The following GALNTL6 variants were observed in gnomAD, a reference collection of about 807,000 sequenced individuals.
GALNTL6 encodes the protein polypeptide N-acetylgalactosaminyltransferase-like 6.
Under a neutral mutation model 73.7 loss-of-function variants are expected in GALNTL6, and 46 were observed. The ratio of observed to expected loss-of-function variants is 0.62; its 90% CI spans 0.49 to 0.80. The LOEUF (loss-of-function observed/expected upper bound fraction) is 0.80, where lower values mean the gene tolerates loss of function less well. Ranked by LOEUF, GALNTL6 falls within the 30% of genes least tolerant of loss-of-function variation. The pLI is 0.00. For missense variants in GALNTL6, 604 were observed against 755.0 expected (o/e 0.80, Z 2.34); for synonymous variants, 259 against 263.7 (o/e 0.98, Z 0.17).
At chr4:173,005,539 AT>A (rs1561081657) in intron 10 of GALNTL6, among the ~76,000 whole-genome samples, 5 of 151,898 alleles carry the variant, frequency 3.3e-5, no homozygotes, top group Admixed American at 6.6e-5. Context: ...AAAAAAATAT[AT>A]TATTAGCGTG....
chr4:172,182,553 CAAAA>C (rs34354883), intron 2 of GALNTL6, among the ~76,000 whole-genome samples: 2 of 127,456 alleles, frequency 1.6e-5, no homozygotes, highest in Non-Finnish European at 3.3e-5. Context: ...TGAAAAATAC[CAAAA>C]AAAAAAAAAA....
chr4:172,079,108 T>C (rs895712567), intron 2 of GALNTL6, among the ~76,000 whole-genome samples: 9 of 152,110 alleles, frequency 5.9e-5, no homozygotes, highest in African/African-American at 2.2e-4. Flanking sequence ...AAAGTCCATA[T>C]CTATATCACT....
chr4:172,944,925 G>C (rs367704031), intron 9 of GALNTL6, among the ~76,000 whole-genome samples: 17 of 152,012 alleles, frequency 1.1e-4, no homozygotes, highest in African/African-American at 3.9e-4. Flanking sequence ...AGGCATGGTG[G>C]CATGCGCCTG....
chr4:172,643,702 C>A (rs1461283204), intron 5 of GALNTL6, among the ~76,000 whole-genome samples: 1 of 151,856 alleles, frequency 6.6e-6, no homozygotes, highest in Non-Finnish European at 1.5e-5. Flanking sequence ...TTTTTGTTAA[C>A]CATTTTCTGT....
intron 2 of GALNTL6, among the ~76,000 whole-genome samples, chr4:172,047,943 T>A (rs2110852339): frequency 6.6e-6 from 1 of 152,224 alleles, no homozygotes; most frequent in South Asian, 2.1e-4. Flanking sequence ...AGTATACCAA[T>A]TTATATTTTC....
At chr4:172,548,855 A>C (rs890254905) in intron 5 of GALNTL6, among the ~76,000 whole-genome samples, 5 of 152,180 alleles carry the variant, frequency 3.3e-5, no homozygotes, top group Non-Finnish European at 7.4e-5. Context: ...TTCCAATAAA[A>C]TGTAAATAAT....
chr4:172,574,240 G>T (rs183182575), intron 5 of GALNTL6, among the ~76,000 whole-genome samples: 53 of 152,164 alleles, frequency 3.5e-4, no homozygotes, highest in African/African-American at 1.2e-3. Flanking sequence ...TAATGCATCA[G>T]TCTTGTAGTG....
At chr4:171,894,464 G>A (rs533106185) in intron 2 of GALNTL6, among the ~76,000 whole-genome samples, 24 of 152,322 alleles carry the variant, frequency 1.6e-4, no homozygotes, top group South Asian at 1.2e-3. Context: ...GGCATAGTAA[G>A]TAGTTAATTC....
At chr4:172,450,521 C>A (rs936643371) in intron 5 of GALNTL6, among the ~76,000 whole-genome samples, 6 of 152,168 alleles carry the variant, frequency 3.9e-5, no homozygotes, top group African/African-American at 1.4e-4. Context: ...GTTCAACGTA[C>A]AGAATCCAAG....
At chr4:171,858,884 G>A (rs950874255) in intron 2 of GALNTL6, among the ~76,000 whole-genome samples, 2 of 152,004 alleles carry the variant, frequency 1.3e-5, no homozygotes, top group African/African-American at 2.4e-5. Context: ...TAAGATATAT[G>A]TTAGTACTAA....
chr4:172,272,694 A>C (rs1738696979), intron 3 of GALNTL6, among the ~76,000 whole-genome samples: 2 of 152,216 alleles, frequency 1.3e-5, no homozygotes, highest in South Asian at 4.1e-4. Flanking sequence ...GTAGAAAATT[A>C]TACCTATAAA....
chr4:172,644,891 G>T (rs918298635), intron 5 of GALNTL6, among the ~76,000 whole-genome samples: 3 of 151,934 alleles, frequency 2.0e-5, no homozygotes, highest in Admixed American at 6.6e-5. Flanking sequence ...CATCACAACT[G>T]CCATTGTGGT....
chr4:171,916,986 T>C (rs1463857115), intron 2 of GALNTL6, among the ~76,000 whole-genome samples: 2 of 152,042 alleles, frequency 1.3e-5, no homozygotes, highest in East Asian at 1.9e-4. Context: ...TGAAGACAGA[T>C]GATGAATGTG....
chr4:172,789,728 G>C (rs763368563), intron 5 of GALNTL6, among the ~76,000 whole-genome samples: 6 of 152,150 alleles, frequency 3.9e-5, no homozygotes, highest in Non-Finnish European at 8.8e-5. Flanking sequence ...CCTTCCCCCA[G>C]GATATAGGGC....
At chr4:172,071,533 C>G (rs1245964007) in intron 2 of GALNTL6, among the ~76,000 whole-genome samples, 1 of 110,230 alleles carries the variant, frequency 9.1e-6, no homozygotes, top group Non-Finnish European at 2.0e-5. Context: ...GTTGTAAAAC[C>G]CTTTTGGTGT....
chr4:172,533,445 C>T (rs1288685387), intron 5 of GALNTL6, among the ~76,000 whole-genome samples: 2 of 148,570 alleles, frequency 1.3e-5, no homozygotes, highest in Non-Finnish European at 3.0e-5. Context: ...CTGCCTCAGC[C>T]TCCTGAGTAG....
At chr4:172,709,075 C>T (rs1485718186) in intron 5 of GALNTL6, among the ~76,000 whole-genome samples, 1 of 152,138 alleles carries the variant, frequency 6.6e-6, no homozygotes, top group Non-Finnish European at 1.5e-5. Flanking sequence ...TCATGTTTTA[C>T]CCTGGGTGAT....
chr4:172,470,510 G>T (rs1406717452), intron 5 of GALNTL6, among the ~76,000 whole-genome samples: 1 of 151,994 alleles, frequency 6.6e-6, no homozygotes, highest in Non-Finnish European at 1.5e-5. Flanking sequence ...ATAATAAAAA[G>T]GACTTCCAAA....
chr4:172,303,120 C>G (rs1740000271), intron 3 of GALNTL6, among the ~76,000 whole-genome samples: 1 of 152,126 alleles, frequency 6.6e-6, no homozygotes, highest in South Asian at 2.1e-4. Context: ...CTGCCTCAGC[C>G]TCCCGAGTAA....
Sources: gnomAD v4.1 joint callset for allele counts (sites outside exome capture counted in the v4.1 genomes callset) on GRCh38, gnomAD v4.1.1 for gene constraint, MANE v1.5 for transcripts, NCBI Gene and HGNC (gene_info 2026-07-23, HGNC 2026-07-21) for gene names.